The following CDYL2 variants were observed in gnomAD, a reference collection of about 807,000 sequenced individuals.
The protein encoded by CDYL2 is chromodomain Y like 2.
A neutral mutation model predicts 49.4 loss-of-function variants in CDYL2; 23 were observed. The ratio of observed to expected loss-of-function variants is 0.47; its 90% CI spans 0.34 to 0.66. The LOEUF (loss-of-function observed/expected upper bound fraction) is 0.66, where lower values mean the gene tolerates loss of function less well. Among genes scored for constraint, CDYL2 ranks in the 30% least tolerant of loss-of-function variants. CDYL2 has a pLI of 0.01. For missense variants in CDYL2, 678 were observed against 656.4 expected (o/e 1.03, Z -0.36); for synonymous variants, 360 against 268.8 (o/e 1.34, Z -3.32).
intron 2 of CDYL2, among the ~76,000 whole-genome samples, chr16:80,683,560 A>G (rs964913369): frequency 9.7e-6 from 1 of 102,630 alleles, no homozygotes; most frequent in Non-Finnish European, 2.5e-5. Context: ...GAGGCTGCCA[A>G]TCGAAAGAAT....
intron 1 of CDYL2, among the ~76,000 whole-genome samples, chr16:80,736,750 T>C (rs1330012479): frequency 6.6e-6 from 1 of 152,216 alleles, no homozygotes; most frequent in African/African-American, 2.4e-5. Context: ...ATCTCTATTT[T>C]TTTAATCATC....
chr16:80,683,562 C>T (rs12447921), intron 2 of CDYL2, among the ~76,000 whole-genome samples: 72,516 of 148,902 alleles, frequency 0.49, 19,679 homozygotes, highest in Middle Eastern at 0.66. Flanking sequence ...GGCTGCCAAT[C>T]GAAAGAATTA....
intron 1 of CDYL2, among the ~76,000 whole-genome samples, chr16:80,779,001 T>G (rs2142402873): frequency 6.6e-6 from 1 of 152,088 alleles, no homozygotes; most frequent in African/African-American, 2.4e-5. Flanking sequence ...TCCACTAAAA[T>G]GGGCAAAAAT....
chr16:80,605,499 T>C (rs116977794), intron 6 of CDYL2, among the ~76,000 whole-genome samples: 2 of 149,624 alleles, frequency 1.3e-5, no homozygotes, highest in Non-Finnish European at 1.5e-5. Context: ...ATAGTAATAA[T>C]AGTCACAACA....
rs1003112065 is a variant in CDYL2 at position 80,612,205 on chromosome 16, G to A, written c.1218+421C>T. On this transcript the variant is annotated intron_variant, in intron 5 of 6. Transcript: ENST00000570137. The surrounding 1 kb of genome is among the most constrained non-coding windows in gnomAD (Gnocchi z 5.0). The stretch of plus-strand genomic sequence containing the variant: ...TTCTGGCTCTCTCTTCTCTCCCATT[G>A]GCTGGAAGTGAGGGCACATTTACTG... Among the ~76,000 whole-genome samples the A allele has an allele frequency of 6.6e-6, 1 of 152,178 alleles. No homozygotes were observed. Among genetic ancestry groups the A allele is most frequent in the African/African-American group, 2.4e-5 (1 of 41,436 alleles).
chr16:80,655,848 G>A (rs1185440071), intron 2 of CDYL2, among the ~76,000 whole-genome samples: 1 of 152,142 alleles, frequency 6.6e-6, no homozygotes, highest in African/African-American at 2.4e-5. Context: ...CCCTCTCACC[G>A]AGCAGTCCTC....
chr16:80,699,585 T>G (rs144489211), intron 1 of CDYL2, among the ~76,000 whole-genome samples: 105 of 152,284 alleles, frequency 6.9e-4, no homozygotes, highest in South Asian at 1.2e-3. Flanking sequence ...AAGGATTAAG[T>G]TTTAATGTTC....
intron 1 of CDYL2, among the ~76,000 whole-genome samples, chr16:80,714,182 G>A (rs181069151): frequency 2.0e-5 from 3 of 152,218 alleles, no homozygotes; most frequent in African/African-American, 7.2e-5. Flanking sequence ...TCACGACCCA[G>A]ACCCCTTAGC....
chr16:80,632,889 GTCAA>G, intron 3 of CDYL2, 126 bp downstream of exon 3: 1 of 826,558 alleles, frequency 1.2e-6, no homozygotes, highest in East Asian at 2.6e-5. Flanking sequence ...GCGCGCTGCA[GTCAA>G]GTTTTTATGC....
At chr16:80,694,559 G>C (rs956904850) in intron 1 of CDYL2, among the ~76,000 whole-genome samples, 2 of 152,152 alleles carry the variant, frequency 1.3e-5, no homozygotes, top group East Asian at 3.9e-4. Context: ...ATCGGAGTAA[G>C]AGATATCAGT....
intron 6 of CDYL2, among the ~76,000 whole-genome samples, chr16:80,607,587 A>G (rs1394916251): frequency 6.6e-6 from 1 of 152,228 alleles, no homozygotes; most frequent in East Asian, 1.9e-4. Context: ...ATTAAAAACC[A>G]CTGCCTCTGC....
intron 1 of CDYL2, among the ~76,000 whole-genome samples, chr16:80,725,259 G>C (rs1273541487): frequency 2.6e-5 from 4 of 152,096 alleles, no homozygotes; most frequent in African/African-American, 7.2e-5. Context: ...TTCAGTCCTA[G>C]TTTAATGTCA....
At chr16:80,756,874 CA>C (rs1035567159) in intron 1 of CDYL2, among the ~76,000 whole-genome samples, 2 of 141,798 alleles carry the variant, frequency 1.4e-5, no homozygotes, top group Non-Finnish European at 3.2e-5. Context: ...AAAAAAAAAA[CA>C]CATGATTTCA....
chr16:80,684,795 T>C lies in CDYL2; in HGVS notation c.359A>G (p.Tyr120Cys), dbSNP rs1023081357. ...ACCTCCTGAAGAGGGCTTGCCTGAA[T>C]ACCCTTTTTTTGGCTTGGCCAGGGG... ...NPPLAKPKKG[Y>C]SGKPSSGGDR... Residue 120 changes from tyrosine (Y) to cysteine (C), a missense_variant, in exon 2 of 7, where the codon TAT becomes TGT. Around this residue, in one of 3 missense-constraint regions of CDYL2, gnomAD observed 478 missense variants for 427.0 expected, o/e 1.12. Transcript: ENST00000570137. The C allele has an allele frequency of 1.9e-6, 3 of 1,614,220 alleles. No homozygotes were observed. Among genetic ancestry groups the C allele is most frequent in the African/African-American group, 1.3e-5 (1 of 75,058 alleles).
intron 2 of CDYL2, chr16:80,679,682 AATGCCAACTCCAGGTGC>A (rs1909896303): frequency 2.2e-6 from 1 of 456,064 alleles, no homozygotes; most frequent in East Asian, 6.9e-5. Context: ...AAGTCTTATG[AATGCCAACTCCAGGTGC>A]AGAGCACAAG....
chr16:80,635,565 G>C (rs1019214454), intron 2 of CDYL2, among the ~76,000 whole-genome samples: 2 of 152,118 alleles, frequency 1.3e-5, no homozygotes, highest in African/African-American at 2.4e-5. Flanking sequence ...AATAAGAGAG[G>C]ACACAAACAA....
chr16:80,740,327 G>C (rs148048172), intron 1 of CDYL2, among the ~76,000 whole-genome samples: 696 of 152,224 alleles, frequency 4.6e-3, no homozygotes, highest in African/African-American at 0.016. Context: ...CGGTGGAGGA[G>C]GTTGTGAAGT....
At chr16:80,692,519 G>A (rs7193379) in intron 1 of CDYL2, among the ~76,000 whole-genome samples, 8,452 of 152,150 alleles carry the variant, frequency 0.056, 337 homozygotes, top group African/African-American at 0.11. Context: ...AATTTTTAAC[G>A]TAAAACTGGA....
At chr16:80,643,579 C>T (rs563732856) in intron 2 of CDYL2, among the ~76,000 whole-genome samples, 21 of 152,382 alleles carry the variant, frequency 1.4e-4, no homozygotes, top group South Asian at 4.1e-4. Flanking sequence ...TGGGTATCCA[C>T]GCATTTCCAT....
Sources: allele counts gnomAD v4.1 joint callset (sites outside exome capture counted in the v4.1 genomes callset), GRCh38; gene constraint gnomAD v4.1.1; regional missense constraint gnomAD v4.1.1; non-coding constraint Gnocchi (gnomAD v3.1); transcripts MANE v1.5; gene names NCBI Gene and HGNC (gene_info 2026-07-23, HGNC 2026-07-21).